The following CTNNA2 variants were observed in gnomAD, a reference collection of about 807,000 sequenced individuals.
The protein encoded by CTNNA2 is catenin alpha 2, also known as catenin alpha-2.
CTNNA2 carries 42 observed loss-of-function variants against 101.0 expected under a neutral mutation model. The ratio of observed to expected loss-of-function variants is 0.42; its 90% CI spans 0.32 to 0.54. The LOEUF is 0.54. CTNNA2 is among the 20% of genes least tolerant of loss of function. CTNNA2 has a pLI of 0.14. For synonymous variants in CTNNA2, 450 were observed against 456.4 expected (o/e 0.99, Z 0.18); for missense variants, 871 against 1,223.1 (o/e 0.71, Z 4.29).
At chr2:79,413,934 C>CATATATATAT (rs70940033) in intron 4 of CTNNA2, among the ~76,000 whole-genome samples, 2 of 140,296 alleles carry the variant, frequency 1.4e-5, no homozygotes, top group East Asian at 2.2e-4. Context: ...GAGCTGAATT[C>CATATATATAT]ATATATATAT....
intron 1 of CTNNA2, among the ~76,000 whole-genome samples, chr2:79,580,884 C>A (rs1402691686): frequency 2.6e-5 from 4 of 152,142 alleles, no homozygotes; most frequent in Non-Finnish European, 4.4e-5. Context: ...TCAGAAACCT[C>A]AATTCAAGTC....
At chr2:80,130,690 A>C (rs1702364294) in intron 7 of CTNNA2, among the ~76,000 whole-genome samples, 1 of 152,172 alleles carries the variant, frequency 6.6e-6, no homozygotes, top group East Asian at 1.9e-4. Context: ...CTTTAACTCA[A>C]AACAGGTATA....
intron 7 of CTNNA2, among the ~76,000 whole-genome samples, chr2:80,006,359 T>TAA (rs5832428): frequency 0.048 from 6,722 of 138,918 alleles, 436 homozygotes; most frequent in African/African-American, 0.14. Context: ...AGAAGTGCAG[T>TAA]AAAAAAAAAA....
chr2:80,247,024 T>C (rs1457458583), intron 7 of CTNNA2, among the ~76,000 whole-genome samples: 3 of 152,180 alleles, frequency 2.0e-5, no homozygotes. Context: ...TCCTCCTTGA[T>C]AGAATGTCGT....
At chr2:80,393,425 A>C (rs1573932372) in intron 8 of CTNNA2, 134 bp downstream of exon 8, 1 of 625,416 alleles carries the variant, frequency 1.6e-6, no homozygotes, top group East Asian at 3.1e-5. Flanking sequence ...ACAAATAAAA[A>C]CCCCATTTTA....
At chr2:80,211,302 C>T (rs1443646682) in intron 7 of CTNNA2, among the ~76,000 whole-genome samples, 2 of 152,146 alleles carry the variant, frequency 1.3e-5, no homozygotes, top group African/African-American at 4.8e-5. Flanking sequence ...ATGCCTATGG[C>T]CTGAATGGTA....
At position 79,446,006 on chromosome 2, in the gene CTNNA2, C is replaced by G. The variant is rs148370688; in HGVS notation, c.-134-59048C>G. ...AGTCCCGACATATGTCATTTAAAAG[C>G]AGGATGGCATAGTAGTTAAGCATTT... On this transcript the variant is annotated intron_variant, in intron 4 of 21. Transcript: ENST00000466387. 1.7e-3 allele frequency among the ~76,000 whole-genome samples: 261 copies of G among 152,182 alleles called. 1 individual carries two copies. Among genetic ancestry groups the G allele is most frequent in the African/African-American group, 5.8e-3 (241 of 41,534 alleles).
At chr2:80,451,534 A>G (rs1279135568) in intron 9 of CTNNA2, among the ~76,000 whole-genome samples, 1 of 152,180 alleles carries the variant, frequency 6.6e-6, no homozygotes, top group Non-Finnish European at 1.5e-5. Context: ...CCCTGGCCTC[A>G]TGTGCACATC....
At chr2:79,483,045 C>T (rs566019899) in intron 4 of CTNNA2, among the ~76,000 whole-genome samples, 9 of 152,346 alleles carry the variant, frequency 5.9e-5, no homozygotes, top group African/African-American at 7.2e-5. Flanking sequence ...ATCACCAAAT[C>T]TTAGCAGCTT....
intron 7 of CTNNA2, among the ~76,000 whole-genome samples, chr2:79,921,481 A>G (rs1475140042): frequency 6.6e-6 from 1 of 152,148 alleles, no homozygotes; most frequent in Non-Finnish European, 1.5e-5. Context: ...GCAAATCTTC[A>G]CCAGCACTTT....
chr2:79,421,198 A>C (rs531678326), intron 4 of CTNNA2, among the ~76,000 whole-genome samples: 90 of 152,166 alleles, frequency 5.9e-4, no homozygotes, highest in Non-Finnish European at 1.1e-3. Flanking sequence ...GTACTTAGCA[A>C]ATATAAAGTG....
At position 79,201,403 on chromosome 2, in the gene CTNNA2, T is replaced by C. The variant is rs201791373; in HGVS notation, c.-406+3327T>C. 1.4e-4 allele frequency among the ~76,000 whole-genome samples: 22 copies of C among 151,844 alleles called. No individual in the cohort carries two copies. The East Asian group carries it at 4.3e-3, about 30-fold the overall frequency. On this transcript the variant is annotated intron_variant, in intron 2 of 21. Transcript: ENST00000466387. Reference sequence around the variant, plus strand: ...TGAGGATGGGTCTCAGGCTGAAGACTGCTCTCTACCATCCTAGAAGCAGGA... The same window carrying C: ...TGAGGATGGGTCTCAGGCTGAAGACCGCTCTCTACCATCCTAGAAGCAGGA...
chr2:80,306,375 C>CTTTCTTTTCTTTTCT (rs1221909340), intron 7 of CTNNA2, among the ~76,000 whole-genome samples: 158 of 139,550 alleles, frequency 1.1e-3, no homozygotes, highest in African/African-American at 4.2e-3. Flanking sequence ...TTCTTTCTTT[C>CTTTCTTTTCTTTTCT]TTTCTTTTCT....
At chr2:80,026,757 G>A (rs948506785) in intron 7 of CTNNA2, among the ~76,000 whole-genome samples, 11 of 152,134 alleles carry the variant, frequency 7.2e-5, no homozygotes, top group Non-Finnish European at 1.0e-4. Flanking sequence ...GGTATGAAGT[G>A]TAGCTGAAAT....
At chr2:79,610,862 T>A (rs1678225030) in intron 1 of CTNNA2, among the ~76,000 whole-genome samples, 1 of 152,100 alleles carries the variant, frequency 6.6e-6, no homozygotes, top group Non-Finnish European at 1.5e-5. Flanking sequence ...TGTACTAGAA[T>A]AAAGTTGTTA....
At chr2:80,364,246 G>A (rs183856364) in intron 7 of CTNNA2, among the ~76,000 whole-genome samples, 2 of 151,924 alleles carry the variant, frequency 1.3e-5, no homozygotes, top group African/African-American at 4.8e-5. Flanking sequence ...TGATTCTCTT[G>A]GAGAAAAAAG....
intron 7 of CTNNA2, among the ~76,000 whole-genome samples, chr2:80,177,337 G>A (rs1358173371): frequency 6.6e-6 from 1 of 152,172 alleles, no homozygotes; most frequent in Non-Finnish European, 1.5e-5. Context: ...CGATTCCGGT[G>A]AGGACAAATT....
At chr2:80,133,521 A>G (rs1236753279) in intron 7 of CTNNA2, among the ~76,000 whole-genome samples, 2 of 152,196 alleles carry the variant, frequency 1.3e-5, no homozygotes, top group African/African-American at 4.8e-5. Flanking sequence ...ATGTATATAG[A>G]GTAAAGGAAT....
At chr2:80,335,802 A>T (rs1353029571) in intron 7 of CTNNA2, among the ~76,000 whole-genome samples, 3 of 152,180 alleles carry the variant, frequency 2.0e-5, no homozygotes, top group Non-Finnish European at 4.4e-5. Flanking sequence ...TGACCATTTG[A>T]TCCATATTTG....
Sources: gnomAD v4.1 joint callset for allele counts (sites outside exome capture counted in the v4.1 genomes callset) on GRCh38, gnomAD v4.1.1 for gene constraint, MANE v1.5 for transcripts, NCBI Gene and HGNC (gene_info 2026-07-23, HGNC 2026-07-21) for gene names.